Variants in SMOC2 observed in about 807,000 individuals in gnomAD.
SMOC2 encodes the protein SPARC related modular calcium binding 2.
In SMOC2, 39 loss-of-function variants were observed where a neutral mutation model predicts 61.4. That is an observed-to-expected ratio of 0.64 (90% CI 0.49 to 0.83). The LOEUF (loss-of-function observed/expected upper bound fraction) is 0.83, where lower values mean the gene tolerates loss of function less well. Among genes scored for constraint, SMOC2 ranks in the 40% least tolerant of loss-of-function variants. The pLI, the probability that SMOC2 is intolerant of heterozygous loss-of-function variation, is 0.00. For missense variants in SMOC2, 556 were observed against 592.9 expected, an observed-to-expected ratio of 0.94 and a Z score of 0.65; for synonymous variants, 247 against 239.9, an observed-to-expected ratio of 1.03 and a Z score of -0.27.
At chr6:168,463,105 C>T (rs570320823) in intron 1 of SMOC2, among the ~76,000 whole-genome samples, 15 of 152,324 alleles carry the variant, frequency 9.8e-5, no homozygotes, top group African/African-American at 2.6e-4. Flanking sequence ...CTCAGCGAGC[C>T]GTGGTGTGAC....
At chr6:168,466,807 G>A (rs1299670562) in intron 1 of SMOC2, among the ~76,000 whole-genome samples, 6 of 152,196 alleles carry the variant, frequency 3.9e-5, no homozygotes, top group Non-Finnish European at 7.3e-5. Context: ...AAGTCATCCT[G>A]GACGCTTGGT....
chr6:168,643,015 T>C (rs2115263502), intron 9 of SMOC2, among the ~76,000 whole-genome samples: 1 of 152,332 alleles, frequency 6.6e-6, no homozygotes, highest in African/African-American at 2.4e-5. Context: ...TCCATCTCTG[T>C]GTACTTGTTA....
chr6:168,627,573 A>G (rs529352735), intron 9 of SMOC2, among the ~76,000 whole-genome samples: 1 of 152,364 alleles, frequency 6.6e-6, no homozygotes, highest in African/African-American at 2.4e-5. Flanking sequence ...ATCCAATTCA[A>G]ACAAGAAATC....
At chr6:168,490,354 T>C (rs899297823) in intron 1 of SMOC2, among the ~76,000 whole-genome samples, 2 of 152,232 alleles carry the variant, frequency 1.3e-5, no homozygotes, top group African/African-American at 4.8e-5. Context: ...ACTCCAGCCA[T>C]CATTCTTTCT....
chr6:168,539,333 G>A lies in SMOC2; in HGVS notation c.464-4292G>A, dbSNP rs527651945. ...CTGACAGAGAATCCCCACGGGGCTG[G>A]CCGGCTTTCTTGAACTCCGACTCCA... On this transcript the variant is annotated intron_variant, in intron 4 of 12. Transcript: ENST00000356284. 1.4e-4 allele frequency among the ~76,000 whole-genome samples: 21 copies of A among 152,330 alleles called. No homozygotes were observed. In the South Asian group the frequency reaches 4.1e-3, roughly 30 times the overall value.
chr6:168,509,665 A>T (rs182323545), intron 1 of SMOC2, among the ~76,000 whole-genome samples: 2 of 152,332 alleles, frequency 1.3e-5, no homozygotes, highest in East Asian at 1.9e-4. Context: ...TCAATGATTC[A>T]CATGTTGTTC....
At chr6:168,657,812 C>G (rs1306109339) in intron 11 of SMOC2, among the ~76,000 whole-genome samples, 1 of 152,152 alleles carries the variant, frequency 6.6e-6, no homozygotes, top group Non-Finnish European at 1.5e-5. Flanking sequence ...CAAACACATT[C>G]TTTCCTAGGA....
In SMOC2 at chr6:168,464,265, CGGAA is replaced by C. The variant is rs1051829077; in HGVS notation, c.84+22823_84+22826del. Among the ~76,000 whole-genome samples, 12 of 148,480 alleles carry C rather than the reference CGGAA, an allele frequency of 8.1e-5. No homozygotes were observed. The South Asian group carries it at 1.7e-3, about 21-fold the overall frequency. ...AAGGAAGAAAGGAAGGAAGGACGGA[CGGAA>C]GGAAGGAAGGATGGAAGGAAGGAAG... On this transcript the variant is annotated intron_variant, in intron 1 of 12. Transcript: ENST00000356284.
Position 168,541,977 on chromosome 6 carries a change from T to C in SMOC2, c.464-1648T>C, listed in dbSNP as rs527732462. ...CTGTACAGTGCAAAATATTTTCTTA[T>C]TTCAATTGAGAAACTCTCTCATGAA... On this transcript the variant is annotated intron_variant, in intron 4 of 12. Transcript: ENST00000356284. 1.8e-3 allele frequency among the ~76,000 whole-genome samples: 281 copies of C among 152,332 alleles called. 1 individual carries two copies. The highest frequency in any genetic ancestry group is 6.6e-3 in the African/African-American group (273 of 41,576).
At chr6:168,613,224 T>C (rs951441507) in intron 9 of SMOC2, among the ~76,000 whole-genome samples, 1 of 152,084 alleles carries the variant, frequency 6.6e-6, no homozygotes, top group Non-Finnish European at 1.5e-5. Context: ...AGCTGGGCCC[T>C]GGGGGTCAGG....
rs1782964125 is a variant in SMOC2 at position 168,509,862 on chromosome 6, G to C, written c.85-53G>C. 5.1e-6 allele frequency: 8 copies of C among 1,554,648 alleles called. No individual in the cohort carries two copies. In the Admixed American group the frequency reaches 7.1e-5, roughly 14 times the overall value. On this transcript the variant is annotated intron_variant, in intron 1 of 12. Transcript: ENST00000356284. Reference sequence around the variant, plus strand: ...CTGAGGCAGCCTTCTGTTTTCTGCTGCTCTGAAGAATGTGTCTTTAAATTT... The same window carrying C: ...CTGAGGCAGCCTTCTGTTTTCTGCTCCTCTGAAGAATGTGTCTTTAAATTT...
intron 7 of SMOC2, among the ~76,000 whole-genome samples, chr6:168,560,570 G>GTGTTCTCGGAGGAGGTGT (rs1784390911): frequency 1.5e-5 from 2 of 130,718 alleles, no homozygotes; most frequent in African/African-American, 3.0e-5. Flanking sequence ...GGCTCTCACT[G>GTGTTCTCGGAGGAGGTGT]CATTCTTGGA....
chr6:168,624,281 T>C (rs1274511183), intron 9 of SMOC2, among the ~76,000 whole-genome samples: 1 of 152,210 alleles, frequency 6.6e-6, no homozygotes, highest in East Asian at 1.9e-4. Context: ...GTAACTTAGT[T>C]TCACTCAGTG....
At chr6:168,517,668 G>A (rs1425696222) in intron 2 of SMOC2, among the ~76,000 whole-genome samples, 1 of 152,240 alleles carries the variant, frequency 6.6e-6, no homozygotes, top group Non-Finnish European at 1.5e-5. Flanking sequence ...CAGTTTTCCT[G>A]AGAGCACGGC....
intron 7 of SMOC2, among the ~76,000 whole-genome samples, chr6:168,558,471 T>C (rs577998694): frequency 6.6e-6 from 1 of 152,282 alleles, no homozygotes; most frequent in African/African-American, 2.4e-5. Context: ...GCCTCCCTGG[T>C]CCCTGGGAAG....
intron 7 of SMOC2, among the ~76,000 whole-genome samples, chr6:168,572,791 T>C (rs112846920): frequency 3.2e-5 from 1 of 31,656 alleles, no homozygotes; most frequent in South Asian, 2.6e-3. Flanking sequence ...GCGATGTTCA[T>C]TTCCTGCCCG....
chr6:168,662,854 T>C (rs1787558511), intron 11 of SMOC2, among the ~76,000 whole-genome samples: 1 of 152,200 alleles, frequency 6.6e-6, no homozygotes. Context: ...GGCGTGATCA[T>C]GACTCCCAAA....
rs145380509 is a variant in SMOC2 at position 168,474,462 on chromosome 6, G to A, written c.84+33008G>A. 2.7e-3 allele frequency among the ~76,000 whole-genome samples: 406 copies of A among 152,216 alleles called. 3 individuals are homozygous for A. Among genetic ancestry groups the A allele is most frequent in the African/African-American group, 9.4e-3 (389 of 41,552 alleles). ...CTCCTTTCCAGGCTCCAGCTCCTGC[G>A]TCTGAGCTCTCTCTGCTGGTGTGGT... is the stretch of plus-strand genomic sequence containing the variant. On this transcript the variant is annotated intron_variant, in intron 1 of 12. Coordinates refer to ENST00000356284, the MANE Select transcript of SMOC2 (RefSeq NM_001166412.2).
At chr6:168,573,428 C>T (rs1335082181) in intron 7 of SMOC2, among the ~76,000 whole-genome samples, 3 of 151,828 alleles carry the variant, frequency 2.0e-5, no homozygotes, top group Non-Finnish European at 4.4e-5. Flanking sequence ...CCCGCATCTC[C>T]GGGTGCTGGG....
Sources: allele counts gnomAD v4.1 joint callset (sites outside exome capture counted in the v4.1 genomes callset), GRCh38; gene constraint gnomAD v4.1.1; transcripts MANE v1.5; gene names NCBI Gene and HGNC (gene_info 2026-07-23, HGNC 2026-07-21).